The following CACNA2D3 variants were observed in gnomAD, a reference collection of about 807,000 sequenced individuals.
CACNA2D3 encodes the protein voltage-dependent calcium channel subunit alpha-2/delta-3.
CACNA2D3 carries 60 observed loss-of-function variants against 160.6 expected under a neutral mutation model. That is an observed-to-expected ratio of 0.37 (90% CI 0.30 to 0.46). The LOEUF (loss-of-function observed/expected upper bound fraction) is 0.46, where lower values mean the gene tolerates loss of function less well. Among genes scored for constraint, CACNA2D3 ranks in the 20% least tolerant of loss-of-function variants. The pLI is 1.00. For missense variants in CACNA2D3, 1,205 were observed against 1,365.0 expected (o/e 0.88, Z 1.85); for synonymous variants, 558 against 492.9 (o/e 1.13, Z -1.75).
intron 35 of CACNA2D3, among the ~76,000 whole-genome samples, chr3:55,068,100 G>A (rs939723170): frequency 6.6e-6 from 1 of 152,172 alleles, no homozygotes; most frequent in African/African-American, 2.4e-5. Context: ...GACCACACTT[G>A]AGGGTCCTCA....
At chr3:54,522,793 G>A (rs1701664552) in intron 5 of CACNA2D3, among the ~76,000 whole-genome samples, 1 of 152,050 alleles carries the variant, frequency 6.6e-6, no homozygotes, top group Admixed American at 6.5e-5. Flanking sequence ...CATTCATGAG[G>A]GCAGAGACCT....
At chr3:54,479,022 G>A (rs1054239052) in intron 4 of CACNA2D3, among the ~76,000 whole-genome samples, 1 of 151,886 alleles carries the variant, frequency 6.6e-6, no homozygotes. Flanking sequence ...TGTAGTTACT[G>A]TAACTACATG....
intron 6 of CACNA2D3, among the ~76,000 whole-genome samples, chr3:54,565,048 G>A (rs1193068673): frequency 6.6e-6 from 1 of 152,138 alleles, no homozygotes; most frequent in Admixed American, 6.5e-5. Context: ...CTCAGTGGGG[G>A]TTCCAGGGGA....
At chr3:54,760,192 T>G (rs1702055795) in intron 12 of CACNA2D3, among the ~76,000 whole-genome samples, 1 of 151,416 alleles carries the variant, frequency 6.6e-6, no homozygotes, top group African/African-American at 2.4e-5. Flanking sequence ...TGATGCAGGG[T>G]GAAGGGAGAG....
chr3:54,677,294 G>GA (rs1282943137), intron 11 of CACNA2D3, among the ~76,000 whole-genome samples: 3 of 152,136 alleles, frequency 2.0e-5, no homozygotes, highest in Admixed American at 6.6e-5. Context: ...CAGGAAGAGG[G>GA]AAAATAAAAA....
chr3:55,042,565 A>G (rs755100370), intron 35 of CACNA2D3, among the ~76,000 whole-genome samples: 3 of 151,998 alleles, frequency 2.0e-5, no homozygotes, highest in South Asian at 2.1e-4. Context: ...TTGAAACAGC[A>G]TATGTTTTGG....
At chr3:54,689,010 A>AAGAGAG (rs1553785966) in intron 11 of CACNA2D3, among the ~76,000 whole-genome samples, 16 of 85,494 alleles carry the variant, frequency 1.9e-4, no homozygotes, top group African/African-American at 3.0e-4. Flanking sequence ...AAAAAAAAAA[A>AAGAGAG]AGAATGAGGT....
Position 54,871,590 on chromosome 3 carries a change from T to C in CACNA2D3, c.1678T>C (p.Ser560Pro). 4 of 1,613,512 alleles carry C rather than the reference T, an allele frequency of 2.5e-6. No homozygotes were observed. The highest frequency in any genetic ancestry group is 3.4e-6 in the Non-Finnish European group (4 of 1,179,472). The change falls in exon 18 of 38, where the codon TCT (serine) becomes CCT (proline). Residue 560 changes from serine (S) to proline (P), a missense_variant. By Grantham distance (74) the Ser-to-Pro change is moderately conservative. Transcript: ENST00000474759. ...RKPNYSSVDL[S>P]EVEWEDRDDV... ...ACCTAACTATAGTAGCGTTGACCTCTCTGAGGTGGAGTGGGAAGACCGAGA... is the reference window on the plus strand; with the variant it reads ...ACCTAACTATAGTAGCGTTGACCTCCCTGAGGTGGAGTGGGAAGACCGAGA...
chr3:54,564,254 T>C (rs1299722854), intron 6 of CACNA2D3, among the ~76,000 whole-genome samples: 2 of 152,182 alleles, frequency 1.3e-5, no homozygotes, highest in Admixed American at 6.5e-5. Context: ...TAAACTATGG[T>C]CACGAGGACA....
chr3:54,888,957 A>G (rs1699994122), intron 24 of CACNA2D3, among the ~76,000 whole-genome samples: 1 of 152,202 alleles, frequency 6.6e-6, no homozygotes, highest in Non-Finnish European at 1.5e-5. Context: ...AAGAATCATA[A>G]CTGCTTTGAA....
intron 4 of CACNA2D3, among the ~76,000 whole-genome samples, chr3:54,468,961 T>G (rs9820301): frequency 0.6 from 91,541 of 152,000 alleles, 28,178 homozygotes; most frequent in African/African-American, 0.72. Flanking sequence ...ATCTCCCTGG[T>G]AAAGAGCACC....
At chr3:54,831,999 C>T (rs1176783383) in intron 14 of CACNA2D3, among the ~76,000 whole-genome samples, 1 of 118,782 alleles carries the variant, frequency 8.4e-6, no homozygotes, top group African/African-American at 3.2e-5. Context: ...CTCTTTATCT[C>T]TCTCTTCTCT....
chr3:54,296,862 A>G (rs958710242), intron 2 of CACNA2D3, among the ~76,000 whole-genome samples: 5 of 152,200 alleles, frequency 3.3e-5, no homozygotes, highest in Non-Finnish European at 5.9e-5. Flanking sequence ...AATGAATAAA[A>G]CGGGAGATTA....
At chr3:54,151,723 T>C (rs1261147932) in intron 2 of CACNA2D3, among the ~76,000 whole-genome samples, 1 of 152,176 alleles carries the variant, frequency 6.6e-6, no homozygotes, top group African/African-American at 2.4e-5. Context: ...TACTTATTCT[T>C]CTGTGATCTG....
At chr3:54,770,093 C>A (rs913244349) in intron 13 of CACNA2D3, among the ~76,000 whole-genome samples, 3 of 152,266 alleles carry the variant, frequency 2.0e-5, no homozygotes, top group African/African-American at 7.2e-5. Context: ...TACTTGCTGC[C>A]GACACTTGCG....
chr3:54,911,406 C>T (rs1700554393), intron 27 of CACNA2D3, among the ~76,000 whole-genome samples: 1 of 120,712 alleles, frequency 8.3e-6, no homozygotes. Context: ...TTTCCCCAGA[C>T]TGGTCTTGAA....
At chr3:54,293,268 G>A (rs1242636695) in intron 2 of CACNA2D3, among the ~76,000 whole-genome samples, 7 of 152,064 alleles carry the variant, frequency 4.6e-5, no homozygotes, top group Non-Finnish European at 1.0e-4. Flanking sequence ...AAGTTCTTTA[G>A]TGGTAATTTC....
intron 4 of CACNA2D3, among the ~76,000 whole-genome samples, chr3:54,464,173 C>G (rs1433621539): frequency 1.3e-5 from 2 of 152,158 alleles, no homozygotes; most frequent in Non-Finnish European, 2.9e-5. Context: ...AGGTGTCAGT[C>G]TGCCCCTACT....
intron 11 of CACNA2D3, among the ~76,000 whole-genome samples, chr3:54,676,101 T>C (rs1257695060): frequency 3.3e-5 from 5 of 152,140 alleles, no homozygotes; most frequent in African/African-American, 1.2e-4. Context: ...TTCCTCGTCT[T>C]TAGTAACATC....
Sources: gnomAD v4.1 joint callset for allele counts (sites outside exome capture counted in the v4.1 genomes callset) on GRCh38, gnomAD v4.1.1 for gene constraint, MANE v1.5 for transcripts, NCBI Gene and HGNC (gene_info 2026-07-23, HGNC 2026-07-21) for gene names.